The following SEMA3A variants were observed in gnomAD, a reference collection of about 807,000 sequenced individuals.
SEMA3A encodes the protein semaphorin-3A.
In SEMA3A, 29 loss-of-function variants were observed where a neutral mutation model predicts 97.9. The ratio of observed to expected loss-of-function variants is 0.30; its 90% CI spans 0.22 to 0.40. The LOEUF is 0.40. SEMA3A is among the 10% of genes least tolerant of loss of function. SEMA3A has a pLI of 1.00. For missense variants in SEMA3A, 763 were observed against 951.3 expected (o/e 0.80, Z 2.60); for synonymous variants, 321 against 323.7 (o/e 0.99, Z 0.09).
chr7:84,050,480 T>C (rs529504888), intron 5 of SEMA3A, among the ~76,000 whole-genome samples: 10,363 of 152,102 alleles, frequency 0.068, 1,193 homozygotes, highest in African/African-American at 0.24. Context: ...CATTTTTTCA[T>C]GTGTTTTTTG....
chr7:84,045,388 T>C (rs1792308420), intron 6 of SEMA3A, among the ~76,000 whole-genome samples: 1 of 151,812 alleles, frequency 6.6e-6, no homozygotes, highest in South Asian at 2.1e-4. Context: ...TAATTGGAGA[T>C]TGGGTGGCTT....
intron 13 of SEMA3A, among the ~76,000 whole-genome samples, chr7:83,985,190 A>G (rs964995681): frequency 6.6e-6 from 1 of 152,176 alleles, no homozygotes; most frequent in African/African-American, 2.4e-5. Flanking sequence ...GTAAAAATTT[A>G]TAACAAATAA....
At chr7:84,160,218 AATCTGTCT>A (rs1251462234) in intron 1 of SEMA3A, among the ~76,000 whole-genome samples, 7 of 142,356 alleles carry the variant, frequency 4.9e-5, no homozygotes, top group East Asian at 4.3e-4. Context: ...AAAAACTATC[AATCTGTCT>A]ATCTATCTAT....
chr7:84,404,890 G>C (rs1204210161), intron 1 of SEMA3A, among the ~76,000 whole-genome samples: 17 of 152,006 alleles, frequency 1.1e-4, no homozygotes, highest in Admixed American at 5.9e-4. Context: ...AGCTCCTGAA[G>C]GAAGCACTAA....
intron 3 of SEMA3A, among the ~76,000 whole-genome samples, chr7:84,280,507 G>A (rs1198492957): frequency 6.6e-6 from 1 of 152,068 alleles, no homozygotes; most frequent in East Asian, 1.9e-4. Flanking sequence ...ATAGTGGCCG[G>A]GCATGGTGGC....
chr7:84,246,170 A>T (rs1562869736), intron 3 of SEMA3A, among the ~76,000 whole-genome samples: 1 of 152,198 alleles, frequency 6.6e-6, no homozygotes, highest in East Asian at 1.9e-4. Context: ...GGAAATGCAG[A>T]AATCACCCGC....
chr7:84,051,788 C>T (rs1008982524), intron 5 of SEMA3A, among the ~76,000 whole-genome samples: 4 of 151,922 alleles, frequency 2.6e-5, no homozygotes, highest in Admixed American at 2.0e-4. Flanking sequence ...TGTATTGTGC[C>T]AGTCTTCAAA....
chr7:84,299,020 T>A (rs990609928), intron 3 of SEMA3A, among the ~76,000 whole-genome samples: 3 of 152,042 alleles, frequency 2.0e-5, no homozygotes, highest in African/African-American at 7.2e-5. Flanking sequence ...TTGGACTTAC[T>A]CAGTGGTTTG....
intron 1 of SEMA3A, among the ~76,000 whole-genome samples, chr7:84,398,791 G>A (rs909804747): frequency 6.6e-6 from 1 of 151,756 alleles, no homozygotes; most frequent in Admixed American, 6.6e-5. Flanking sequence ...CTGGGCAACA[G>A]AGTGAGACTG....
At chr7:84,443,455 A>AT (rs533298902) in intron 1 of SEMA3A, among the ~76,000 whole-genome samples, 69 of 152,060 alleles carry the variant, frequency 4.5e-4, no homozygotes, top group African/African-American at 1.4e-3. Flanking sequence ...TTAAATTGAC[A>AT]TTTTTTTTAC....
chr7:84,435,730 T>C (rs1805110175), intron 1 of SEMA3A, among the ~76,000 whole-genome samples: 1 of 152,146 alleles, frequency 6.6e-6, no homozygotes, highest in Admixed American at 6.5e-5. Flanking sequence ...ATTAATACCA[T>C]TGAAATGTCC....
rs1802872115 is a variant in SEMA3A, at chr7:84,367,337, T to TA, written c.-169+4486dup. 4.0e-5 allele frequency among the ~76,000 whole-genome samples: 6 copies of TA among 151,528 alleles called. No homozygotes were observed. In the South Asian group the frequency reaches 1.2e-3, roughly 31 times the overall value. ...TATATGCCATTGCCTTAAAAGGAAGTATTATTAAAGTAGGCCAGTGGATCC... is the reference window on the plus strand; with the variant it reads ...TATATGCCATTGCCTTAAAAGGAAGTAATTATTAAAGTAGGCCAGTGGATCC... On this transcript the variant is annotated intron_variant, in intron 2 of 3. Transcript: ENST00000424555.
intron 5 of SEMA3A, among the ~76,000 whole-genome samples, chr7:84,050,005 T>A (rs1344682203): frequency 9.3e-5 from 14 of 151,238 alleles, no homozygotes; most frequent in Admixed American, 2.0e-4. Flanking sequence ...GAGAATGATG[T>A]TTTCCAGTTT....
intron 9 of SEMA3A, among the ~76,000 whole-genome samples, chr7:84,009,804 G>A (rs1790804580): frequency 6.8e-6 from 1 of 148,096 alleles, no homozygotes; most frequent in South Asian, 2.1e-4. Context: ...AGAGGAAGTA[G>A]AAGGGGAAGG....
chr7:84,059,760 A>G (rs1015854625), intron 5 of SEMA3A, among the ~76,000 whole-genome samples: 5 of 151,894 alleles, frequency 3.3e-5, no homozygotes, highest in Admixed American at 3.3e-4. Flanking sequence ...TATGCTCAAA[A>G]TTTAAAAAAT....
At chr7:84,410,600 G>C (rs567526964) in intron 1 of SEMA3A, among the ~76,000 whole-genome samples, 7 of 152,096 alleles carry the variant, frequency 4.6e-5, no homozygotes, top group Non-Finnish European at 7.4e-5. Context: ...TAGTAGTTGT[G>C]GCCTTTCAGC....
intron 1 of SEMA3A, among the ~76,000 whole-genome samples, chr7:84,447,169 C>T (rs1194681369): frequency 6.6e-6 from 1 of 152,194 alleles, no homozygotes; most frequent in Non-Finnish European, 1.5e-5. Flanking sequence ...CCTGCCGCTT[C>T]GATGCCCTCT....
chr7:84,056,756 T>G (rs1792998554), intron 5 of SEMA3A, among the ~76,000 whole-genome samples: 1 of 152,188 alleles, frequency 6.6e-6, no homozygotes, highest in Non-Finnish European at 1.5e-5. Flanking sequence ...TGTTGTTCTT[T>G]TAAAATTAAA....
chr7:84,291,638 C>T (rs1272901736), intron 3 of SEMA3A, among the ~76,000 whole-genome samples: 1 of 151,892 alleles, frequency 6.6e-6, no homozygotes, highest in Non-Finnish European at 1.5e-5. Context: ...TAGTATTACC[C>T]CATAAAATTT....
Sources: allele counts gnomAD v4.1 joint callset (sites outside exome capture counted in the v4.1 genomes callset), GRCh38; gene constraint gnomAD v4.1.1; transcripts MANE v1.5; gene names NCBI Gene and HGNC (gene_info 2026-07-23, HGNC 2026-07-21).